Variants in PIK3CD observed in about 807,000 individuals in gnomAD.
PIK3CD encodes phosphatidylinositol 4,5-bisphosphate 3-kinase catalytic subunit delta isoform.
PIK3CD carries 20 observed loss-of-function variants against 122.9 expected under a neutral mutation model. The observed-to-expected ratio is 0.16, with a 90% CI of 0.11 to 0.24. The LOEUF is 0.24. Ranked by LOEUF, PIK3CD falls within the 10% of genes least tolerant of loss-of-function variation. The probability of loss-of-function intolerance (pLI) is 1.00; values close to 1 mark genes in which losing one functional copy is unlikely to be tolerated. For synonymous variants in PIK3CD, 596 were observed against 593.4 expected (o/e 1.00, Z -0.06); for missense variants, 787 against 1,406.3 (o/e 0.56, Z 7.04).
At chr1:9,688,532 C>G (rs979885237) in intron 1 of PIK3CD, among the ~76,000 whole-genome samples, 2 of 152,172 alleles carry the variant, frequency 1.3e-5, no homozygotes. Flanking sequence ...CAACATCTAT[C>G]TTACAGTGTA....
the PIK3CD span, among the ~76,000 whole-genome samples, chr1:9,629,318 C>T: frequency 4.6e-5 from 7 of 151,996 alleles, no homozygotes; most frequent in East Asian, 3.9e-4. Context: ...AGAAAGAGGC[C>T]GGGGCACCTG....
chr1:9,638,255 C>T, the PIK3CD span, among the ~76,000 whole-genome samples: 6 of 152,092 alleles, frequency 3.9e-5, no homozygotes, highest in Non-Finnish European at 8.8e-5. Context: ...AAGAGACTCA[C>T]AGGCAACCGC....
Position 9,652,895 on chromosome 1 carries a change from G to A in PIK3CD, c.-138+1093G>A, listed in dbSNP as rs531471364. The A allele has an allele frequency of 6.6e-6, 1 of 152,468 alleles. No individual in the cohort carries two copies. Among genetic ancestry groups the A allele is most frequent in the South Asian group, 2.1e-4 (1 of 4,832 alleles). 9.4% of individuals were successfully genotyped at this position (152,468 alleles called of 1,614,324 possible). On this transcript the variant is annotated intron_variant, in intron 1 of 23. Coordinates refer to ENST00000377346, the MANE Select transcript of PIK3CD (RefSeq NM_005026.5). This position sits in a 1 kb window ranked among gnomAD's most constrained non-coding sequence, Gnocchi z 6.2. Reference sequence around the variant, plus strand: ...CGGCCAAGGTGCAGGGTCCTCGCGTGGCACCCTTGGGATCTGCCCAGTTTG... The same window carrying A: ...CGGCCAAGGTGCAGGGTCCTCGCGTAGCACCCTTGGGATCTGCCCAGTTTG...
At chr1:9,714,058 C>T (rs1647166703) in intron 3 of PIK3CD, among the ~76,000 whole-genome samples, 1 of 151,932 alleles carries the variant, frequency 6.6e-6, no homozygotes, top group African/African-American at 2.4e-5. Flanking sequence ...TATTATGTTG[C>T]CCAGGCTGGC....
chr1:9,692,574 CA>C (rs202187142), intron 2 of PIK3CD, among the ~76,000 whole-genome samples: 7 of 151,508 alleles, frequency 4.6e-5, no homozygotes, highest in South Asian at 2.1e-4. Context: ...ACTAAAAATA[CA>C]AAAAATTAGC....
chr1:9,702,918 A>C (rs1646701843), intron 2 of PIK3CD, among the ~76,000 whole-genome samples: 1 of 152,218 alleles, frequency 6.6e-6, no homozygotes, highest in Admixed American at 6.5e-5. Flanking sequence ...CCAAAAACTC[A>C]GCTCAAACTG....
chr1:9,672,866 A>G (rs1489513145), intron 1 of PIK3CD: 1 of 152,164 alleles, frequency 6.6e-6, no homozygotes, highest in Non-Finnish European at 1.5e-5. Context: ...GGCTAGCCGC[A>G]CAGAGTCCTA....
chr1:9,700,487 G>T lies in PIK3CD; in HGVS notation c.-33+8916G>T, dbSNP rs1443554343. Among the ~76,000 whole-genome samples the T allele has an allele frequency of 1.3e-5, 2 of 152,162 alleles. No individual in the cohort carries two copies. Among genetic ancestry groups the T allele is most frequent in the African/African-American group, 4.8e-5 (2 of 41,438 alleles). On this transcript the variant is annotated intron_variant, in intron 2 of 23. Coordinates refer to ENST00000377346, the MANE Select transcript of PIK3CD (RefSeq NM_005026.5). The surrounding 1 kb of genome is among the most constrained non-coding windows in gnomAD (Gnocchi z 5.1). Reference sequence around the variant, plus strand: ...AATTGTGTTCTTATCCTGTTTCCTTGGATATTTTATGAGTGACTTAGATGT... The same window carrying T: ...AATTGTGTTCTTATCCTGTTTCCTTTGATATTTTATGAGTGACTTAGATGT...
At position 9,689,785 on chromosome 1, in the gene PIK3CD, C is replaced by T. The variant is rs1225065317; in HGVS notation, c.-137-1682C>T. Among the ~76,000 whole-genome samples, 3 of 151,934 alleles carry T rather than the reference C, an allele frequency of 2.0e-5. No homozygotes were observed. The highest frequency in any genetic ancestry group is 4.2e-4 in the South Asian group (2 of 4,812). On this transcript the variant is annotated intron_variant, in intron 1 of 23. Coordinates refer to ENST00000377346, the MANE Select transcript of PIK3CD (RefSeq NM_005026.5). The surrounding 1 kb of genome is among the most constrained non-coding windows in gnomAD (Gnocchi z 6.1). ...GTGCCCCGCCCCCAGCCCCGCCGGGCGTCCCACCCCGCCCAGCCCCGGGCT... is the reference window on the plus strand; with the variant it reads ...GTGCCCCGCCCCCAGCCCCGCCGGGTGTCCCACCCCGCCCAGCCCCGGGCT...
chr1:9,692,733 A>AAAAT lies in PIK3CD; in HGVS notation c.-33+1174_-33+1177dup, dbSNP rs1183697045. 3.3e-5 allele frequency among the ~76,000 whole-genome samples: 5 copies of AAAAT among 152,326 alleles called. No homozygotes were observed. The East Asian group carries it at 9.6e-4, about 29-fold the overall frequency. On this transcript the variant is annotated intron_variant, in intron 2 of 23. Transcript: ENST00000377346. ...TGACAGAGTGAGACTCCGTCTCAAA[A>AAAAT]AAATAAATAAATAAAATAAATCAAA... is the stretch of plus-strand genomic sequence containing the variant.
rs573915444 is a variant in PIK3CD, at chr1:9,700,238, C to G, written c.-33+8667C>G. Among the ~76,000 whole-genome samples the G allele has an allele frequency of 2.6e-5, 4 of 151,978 alleles. No individual in the cohort carries two copies. The highest frequency in any genetic ancestry group is 1.3e-4 in the Admixed American group (2 of 15,252). On this transcript the variant is annotated intron_variant, in intron 2 of 23. Transcript: ENST00000377346. The surrounding 1 kb of genome is among the most constrained non-coding windows in gnomAD (Gnocchi z 5.1). Reference sequence around the variant, plus strand: ...CTCCCCCTCGCAGGTTCAAGTGATTCTCGTGGCTCAGCCTCCCAATAGCTG... The same window carrying G: ...CTCCCCCTCGCAGGTTCAAGTGATTGTCGTGGCTCAGCCTCCCAATAGCTG...
Position 9,717,575 on chromosome 1 carries a change from C to G in PIK3CD, c.969C>G (p.Phe323Leu), listed in dbSNP as rs1251202547. The change falls in exon 8 of 24, where the codon TTC (phenylalanine) becomes TTG (leucine). Residue 323 changes from phenylalanine to leucine, a missense_variant. Coordinates refer to ENST00000377346, the MANE Select transcript of PIK3CD (RefSeq NM_005026.5). This position sits in a 1 kb window ranked among gnomAD's most constrained non-coding sequence, Gnocchi z 5.4. ...CCCTGTGGTCCCTGGAGCAGCCGTT[C>G]CGCATCGAGCTCATCCAGGGCAGCA... ...SVSLWSLEQPFRIELIQGSKV... is the reference protein window; with the variant it reads ...SVSLWSLEQPLRIELIQGSKV... The G allele has an allele frequency of 6.2e-7, 1 of 1,614,134 alleles. No homozygotes were observed. The highest frequency in any genetic ancestry group is 8.5e-7 in the Non-Finnish European group (1 of 1,180,034).
chr1:9,727,409 G>A lies in PIK3CD; in HGVS notation c.*363G>A, dbSNP rs1649830509. On this transcript the variant is annotated 3_prime_UTR_variant, in exon 24 of 24. Transcript: ENST00000377346. The stretch of plus-strand genomic sequence containing the variant: ...CCCGCCAGACTGCCTGGGTCCTGGC[G>A]CCTGGCGGTCACCTGGTGCCTACTG... 7 of 418,968 alleles carry A rather than the reference G, an allele frequency of 1.7e-5. No individual in the cohort carries two copies. Among genetic ancestry groups the A allele is most frequent in the Admixed American group, 3.7e-5 (1 of 26,934 alleles). The allele number at this position is 418,968 out of a possible 1,614,324, so 26.0% of individuals were successfully genotyped here.
chr1:9,701,659 ACT>A (rs1646634956), intron 2 of PIK3CD, among the ~76,000 whole-genome samples: 3 of 139,188 alleles, frequency 2.2e-5, no homozygotes, highest in Non-Finnish European at 3.1e-5. Flanking sequence ...ACAGAGCAAG[ACT>A]CTGTCTCAAA....
the PIK3CD span, among the ~76,000 whole-genome samples, chr1:9,646,436 C>G: frequency 5.3e-5 from 8 of 152,202 alleles, no homozygotes; most frequent in Non-Finnish European, 1.0e-4. Context: ...GCTCAGAACT[C>G]TGGCTTACCC....
In PIK3CD at chr1:9,724,708, G is replaced by C; in HGVS notation, c.2865-96G>C. 6.7e-7 allele frequency: 1 copy of C among 1,489,336 alleles called. No homozygotes were observed. Among genetic ancestry groups the C allele is most frequent in the South Asian group, 1.1e-5 (1 of 88,324 alleles). The allele number at this position is 1,489,336 out of a possible 1,614,324, so 92.3% of individuals were successfully genotyped here. A position where few individuals can be genotyped will look rare whatever the true frequency, so the allele number is the denominator to read the frequency against. On this transcript the variant is annotated intron_variant, in intron 22 of 23. Transcript: ENST00000377346. This position sits in a 1 kb window ranked among gnomAD's most constrained non-coding sequence, Gnocchi z 7.3. The stretch of plus-strand genomic sequence containing the variant: ...CCACCCATTATCAGGGCAAGGGCAG[G>C]TGTCCTTGGGGAAGGGGCTGGTTGG...
chr1:9,640,809 C>T, the PIK3CD span, among the ~76,000 whole-genome samples: 1 of 152,184 alleles, frequency 6.6e-6, no homozygotes, highest in African/African-American at 2.4e-5. Flanking sequence ...TCCAAATCCT[C>T]AGCTGCCCCC....
intron 14 of PIK3CD, 31 bp from the exon 15 acceptor site, chr1:9,721,413 C>T: frequency 6.2e-7 from 1 of 1,612,328 alleles, no homozygotes; most frequent in Non-Finnish European, 8.5e-7. Flanking sequence ...AGTCGGGGAG[C>T]TCCAGGCCCC....
intron 3 of PIK3CD, among the ~76,000 whole-genome samples, chr1:9,713,853 CTTTTTT>C (rs59908140): frequency 7.6e-6 from 1 of 131,772 alleles, no homozygotes; most frequent in Non-Finnish European, 1.6e-5. Flanking sequence ...TATTTTTATA[CTTTTTT>C]TTTTTTTTTT....
Sources: allele counts gnomAD v4.1 joint callset (sites outside exome capture counted in the v4.1 genomes callset), GRCh38; gene constraint gnomAD v4.1.1; non-coding constraint Gnocchi (gnomAD v3.1); transcripts MANE v1.5; gene names NCBI Gene and HGNC (gene_info 2026-07-23, HGNC 2026-07-21).